The following PPP3CA variants were observed in gnomAD, a reference collection of about 807,000 sequenced individuals.
The protein encoded by PPP3CA is CAM-PRP catalytic subunit.
A neutral mutation model predicts 66.5 loss-of-function variants in PPP3CA; 14 were observed. The observed-to-expected ratio is 0.21, with a 90% CI of 0.14 to 0.33. The LOEUF (loss-of-function observed/expected upper bound fraction) is 0.33. Ranked by LOEUF, PPP3CA falls within the 10% of genes least tolerant of loss-of-function variation. The pLI is 1.00. For missense variants in PPP3CA, 317 were observed against 639.5 expected (o/e 0.50, Z 5.44); for synonymous variants, 232 against 226.2 (o/e 1.03, Z -0.23).
At chr4:101,136,845 G>C (rs1381187335) in intron 2 of PPP3CA, among the ~76,000 whole-genome samples, 1 of 151,820 alleles carries the variant, frequency 6.6e-6, no homozygotes, top group Non-Finnish European at 1.5e-5. Context: ...GTGTGTTTTT[G>C]AACAATAACA....
At chr4:101,077,423 T>G (rs1388806063) in intron 8 of PPP3CA, among the ~76,000 whole-genome samples, 1 of 152,198 alleles carries the variant, frequency 6.6e-6, no homozygotes, top group Non-Finnish European at 1.5e-5. Flanking sequence ...CACAGCTATT[T>G]TCCAATGATT....
At chr4:101,087,426 GAC>G (rs1729718520) in intron 6 of PPP3CA, among the ~76,000 whole-genome samples, 1 of 152,140 alleles carries the variant, frequency 6.6e-6, no homozygotes, top group Non-Finnish European at 1.5e-5. Context: ...CTCTGATCAA[GAC>G]ACAGAACATT....
chr4:101,162,128 T>C (rs1437386865), intron 2 of PPP3CA, among the ~76,000 whole-genome samples: 6 of 151,928 alleles, frequency 3.9e-5, no homozygotes, highest in South Asian at 2.1e-4. Context: ...TAATCCCAGA[T>C]ACTGGGGAGG....
At position 101,213,199 on chromosome 4, in the gene PPP3CA, A is replaced by G. The variant is rs1454195579; in HGVS notation, c.59-17083T>C. On this transcript the variant is annotated intron_variant, in intron 1 of 13. Transcript: ENST00000394854. ...AGTTTTTTTAAGGAAAGGACATACT[A>G]TACTTGTTCATCAGTTTGAAAACAG... 2.0e-5 allele frequency among the ~76,000 whole-genome samples: 3 copies of G among 152,108 alleles called. No homozygotes were observed. The East Asian group carries it at 5.8e-4, about 29-fold the overall frequency.
intron 1 of PPP3CA, among the ~76,000 whole-genome samples, chr4:101,285,684 C>T (rs992015893): frequency 2.8e-4 from 42 of 147,848 alleles, no homozygotes; most frequent in African/African-American, 1.0e-3. Context: ...TTGGCTACTC[C>T]TATCTCAGGG....
At chr4:101,341,081 TA>T (rs1349359943) in intron 1 of PPP3CA, among the ~76,000 whole-genome samples, 1 of 152,120 alleles carries the variant, frequency 6.6e-6, no homozygotes, top group Non-Finnish European at 1.5e-5. Flanking sequence ...AACAGAAATA[TA>T]AAAAGCTTCC....
chr4:101,297,119 T>A (rs1266294015), intron 1 of PPP3CA, among the ~76,000 whole-genome samples: 4 of 152,172 alleles, frequency 2.6e-5, no homozygotes, highest in Non-Finnish European at 4.4e-5. Flanking sequence ...GAAATATTTA[T>A]ATATTGCTTT....
At chr4:101,172,275 TC>T (rs1723909663) in intron 2 of PPP3CA, among the ~76,000 whole-genome samples, 1 of 152,134 alleles carries the variant, frequency 6.6e-6, no homozygotes, top group Admixed American at 6.6e-5. Context: ...AAATCCCATT[TC>T]TGACACTTCT....
intron 8 of PPP3CA, among the ~76,000 whole-genome samples, chr4:101,071,123 A>G (rs191897835): frequency 4.9e-4 from 74 of 152,282 alleles, no homozygotes; most frequent in Non-Finnish European, 8.2e-4. Context: ...CCTTGCTCTC[A>G]TTCAGTGCAG....
Position 101,063,221 on chromosome 4 carries a change from C to T in PPP3CA, c.1081+11G>A. 6.2e-7 allele frequency: 1 copy of T among 1,609,720 alleles called. No individual in the cohort carries two copies. The highest frequency in any genetic ancestry group is 8.5e-7 in the Non-Finnish European group (1 of 1,177,390). ...ATTTTAAGAAGAACATCTCAGGATT[C>T]CACAACATACCTTTTTCCCCAACAA... On this transcript the variant is annotated intron_variant, in intron 9 of 13. Coordinates refer to ENST00000394854, the MANE Select transcript of PPP3CA (RefSeq NM_000944.5).
Position 101,098,466 on chromosome 4 carries a change from G to A in PPP3CA, c.543C>T (p.Ala181=), listed in dbSNP as rs766502610. The part of the protein sequence containing the change: ...SERVYDACMD[A]FDCLPLAALM... ...GGGCAGCCAGGGGAAGGCAGTCAAAGGCATCCATACAGGCATCATATACGC... is the reference window on the plus strand; with the variant it reads ...GGGCAGCCAGGGGAAGGCAGTCAAAAGCATCCATACAGGCATCATATACGC... The change falls in exon 5 of 14, where the codon GCC becomes GCT. Residue 181 remains alanine, a synonymous_variant. Coordinates refer to ENST00000394854, the MANE Select transcript of PPP3CA (RefSeq NM_000944.5). 30 of 1,611,906 alleles carry A rather than the reference G, an allele frequency of 1.9e-5. No individual in the cohort carries two copies. Among genetic ancestry groups the A allele is most frequent in the Non-Finnish European group, 2.5e-5 (29 of 1,178,870 alleles).
At chr4:101,257,275 T>C (rs1726874723) in intron 1 of PPP3CA, among the ~76,000 whole-genome samples, 1 of 151,446 alleles carries the variant, frequency 6.6e-6, no homozygotes, top group Admixed American at 6.6e-5. Context: ...ATGGGTTGGT[T>C]AGTTACCTCC....
chr4:101,196,371 A>G (rs1383563322), intron 1 of PPP3CA, among the ~76,000 whole-genome samples: 1 of 152,218 alleles, frequency 6.6e-6, no homozygotes, highest in Non-Finnish European at 1.5e-5. Flanking sequence ...CATCTATAAT[A>G]TCCTGATTAA....
At chr4:101,149,788 C>T (rs1430951822) in intron 2 of PPP3CA, among the ~76,000 whole-genome samples, 2 of 152,166 alleles carry the variant, frequency 1.3e-5, no homozygotes, top group African/African-American at 4.8e-5. Flanking sequence ...AAGATTTCAG[C>T]TATCTCATTA....
intron 1 of PPP3CA, among the ~76,000 whole-genome samples, chr4:101,199,128 T>C (rs1455207370): frequency 6.6e-6 from 1 of 152,216 alleles, no homozygotes; most frequent in African/African-American, 2.4e-5. Context: ...CCTTTTGGCT[T>C]CATAAAAAGC....
At chr4:101,238,993 C>CAATTA (rs1253246070) in intron 1 of PPP3CA, among the ~76,000 whole-genome samples, 2 of 152,116 alleles carry the variant, frequency 1.3e-5, no homozygotes, top group Admixed American at 1.3e-4. Context: ...CTATTGCTGA[C>CAATTA]AATTAAATTA....
At chr4:101,268,976 T>C (rs1415012380) in intron 1 of PPP3CA, among the ~76,000 whole-genome samples, 1 of 152,172 alleles carries the variant, frequency 6.6e-6, no homozygotes, top group Non-Finnish European at 1.5e-5. Flanking sequence ...AGAAAACTGC[T>C]ATGAAAATTA....
At chr4:101,099,477 T>A in intron 4 of PPP3CA, 134 bp downstream of exon 4, 1 of 433,242 alleles carries the variant, frequency 2.3e-6, no homozygotes, top group South Asian at 5.0e-5. Context: ...GAAAGAAATA[T>A]AGGATAATAT....
intron 1 of PPP3CA, among the ~76,000 whole-genome samples, chr4:101,249,725 A>T (rs957396826): frequency 2.0e-5 from 3 of 152,206 alleles, no homozygotes; most frequent in Non-Finnish European, 4.4e-5. Context: ...TTTATTCTTA[A>T]TATAGGACAG....
Sources: gnomAD v4.1 joint callset for allele counts (sites outside exome capture counted in the v4.1 genomes callset) on GRCh38, gnomAD v4.1.1 for gene constraint, MANE v1.5 for transcripts, NCBI Gene and HGNC (gene_info 2026-07-23, HGNC 2026-07-21) for gene names.